Variants in CNTLN observed in about 807,000 individuals in gnomAD.
CNTLN encodes the protein centlein, centrosomal protein.
Under a neutral mutation model 180.0 loss-of-function variants are expected in CNTLN, and 212 were observed. The ratio of observed to expected loss-of-function variants is 1.18; its 90% CI spans 1.05 to 1.32. The LOEUF (loss-of-function observed/expected upper bound fraction) is 1.32, where lower values mean the gene tolerates loss of function less well. CNTLN is among the 40% of genes most tolerant of loss of function. CNTLN has a pLI of 0.00. For synonymous variants in CNTLN, 722 were observed against 563.1 expected (o/e 1.28, Z -3.99); for missense variants, 2,095 against 1,610.9 (o/e 1.30, Z -5.14).
intron 11 of CNTLN, among the ~76,000 whole-genome samples, 174 bp downstream of exon 11, chr9:17,341,122 G>A (rs1369675345): frequency 6.6e-6 from 1 of 152,106 alleles, no homozygotes; most frequent in African/African-American, 2.4e-5. Context: ...GAATGTGTTG[G>A]TAATAACTAT....
intron 5 of CNTLN, among the ~76,000 whole-genome samples, chr9:17,258,683 C>A (rs1248843937): frequency 6.8e-6 from 1 of 147,932 alleles, no homozygotes; most frequent in African/African-American, 2.6e-5. Flanking sequence ...TTGAAGAGGT[C>A]CTTCACATCC....
chr9:17,459,542 TAC>T (rs907068480), intron 19 of CNTLN, among the ~76,000 whole-genome samples: 1 of 151,848 alleles, frequency 6.6e-6, no homozygotes, highest in African/African-American at 2.4e-5. Flanking sequence ...TATTGTCTAC[TAC>T]TAAAAATTTT....
At chr9:17,355,471 T>A (rs1822759973) in intron 12 of CNTLN, among the ~76,000 whole-genome samples, 1 of 152,242 alleles carries the variant, frequency 6.6e-6, no homozygotes, top group South Asian at 2.1e-4. Flanking sequence ...TTGTTGTAGC[T>A]TATGCTTTTG....
intron 2 of CNTLN, among the ~76,000 whole-genome samples, chr9:17,207,896 G>T (rs890869560): frequency 1.3e-5 from 2 of 151,998 alleles, no homozygotes; most frequent in African/African-American, 4.8e-5. Flanking sequence ...AATATAAGAT[G>T]ATATTTTCTC....
At chr9:17,299,562 G>T (rs1280453153) in intron 7 of CNTLN, 3 of 985,324 alleles carry the variant, frequency 3.0e-6, no homozygotes, top group Non-Finnish European at 3.6e-6. Flanking sequence ...GGTTTTCAGT[G>T]TGTGTTTTGT....
chr9:17,458,654 G>A (rs1207890840), intron 19 of CNTLN, among the ~76,000 whole-genome samples: 1 of 151,840 alleles, frequency 6.6e-6, no homozygotes, highest in East Asian at 1.9e-4. Context: ...TTACTCATAG[G>A]ATAAATAGGC....
Position 17,359,733 on chromosome 9 carries a change from A to ACC in CNTLN, c.1887-6884_1887-6883insCC, listed in dbSNP as rs1564027271. ...CGTCTATACTAAAAATACAAAAAAA[A>ACC]AAAAAAAAAAAAAAAAACTAGCTGG... On this transcript the variant is annotated intron_variant, in intron 12 of 25. Coordinates refer to ENST00000380647, the MANE Select transcript of CNTLN (RefSeq NM_017738.4). Among the ~76,000 whole-genome samples, 88 of 109,786 alleles carry ACC rather than the reference A, an allele frequency of 8.0e-4. 1 individual carries two copies. Among genetic ancestry groups the ACC allele is most frequent in the African/African-American group, 2.7e-3 (82 of 30,582 alleles). The allele number at this position is 109,786 out of a possible 152,430, so 72.0% of individuals were successfully genotyped here. A position where few individuals can be genotyped will look rare whatever the true frequency, so the allele number is the denominator to read the frequency against.
At chr9:17,487,947 T>G (rs2383024) in intron 25 of CNTLN, among the ~76,000 whole-genome samples, 46,200 of 152,076 alleles carry the variant, frequency 0.3, 7,859 homozygotes, top group East Asian at 0.43. Flanking sequence ...TTCTTTCGGC[T>G]TAACCTAATT....
chr9:17,242,364 C>A (rs1409437488), intron 5 of CNTLN, among the ~76,000 whole-genome samples: 1 of 151,706 alleles, frequency 6.6e-6, no homozygotes, highest in Non-Finnish European at 1.5e-5. Context: ...GGCGGGAGTG[C>A]AGTGGCACGA....
chr9:17,137,275 C>A (rs1339788085), intron 1 of CNTLN, among the ~76,000 whole-genome samples: 1 of 152,086 alleles, frequency 6.6e-6, no homozygotes, highest in Non-Finnish European at 1.5e-5. Flanking sequence ...GTATCCCGCA[C>A]CATAAAAATC....
chr9:17,195,361 G>T (rs76481743), intron 2 of CNTLN, among the ~76,000 whole-genome samples: 1,891 of 152,214 alleles, frequency 0.012, 43 homozygotes, highest in African/African-American at 0.043. Context: ...AAGGTATTTG[G>T]TTAGTGGGTC....
intron 6 of CNTLN, among the ~76,000 whole-genome samples, 193 bp downstream of exon 6, chr9:17,274,059 G>C (rs984675799): frequency 6.6e-6 from 1 of 152,092 alleles, no homozygotes; most frequent in Non-Finnish European, 1.5e-5. Context: ...TGGGTCTACA[G>C]GATTGGACGA....
At chr9:17,496,379 A>G (rs369554499) in intron 25 of CNTLN, among the ~76,000 whole-genome samples, 2 of 152,250 alleles carry the variant, frequency 1.3e-5, no homozygotes. Flanking sequence ...TGTTTTGTAG[A>G]TCTTGGTCTT....
At chr9:17,242,315 T>G (rs549116025) in intron 5 of CNTLN, among the ~76,000 whole-genome samples, 1 of 151,566 alleles carries the variant, frequency 6.6e-6, no homozygotes, top group Non-Finnish European at 1.5e-5. Flanking sequence ...TTTTTTTTTT[T>G]CCTTTTGTCT....
At chr9:17,518,036 C>CTTTTTTTTTTTT in the CNTLN span, among the ~76,000 whole-genome samples, 15 of 69,234 alleles carry the variant, frequency 2.2e-4, no homozygotes, top group South Asian at 1.5e-3. Context: ...TTTTCTTTTC[C>CTTTTTTTTTTTT]TTTTTTTTTT....
At chr9:17,481,028 T>C (rs1044711526) in intron 23 of CNTLN, among the ~76,000 whole-genome samples, 1 of 152,120 alleles carries the variant, frequency 6.6e-6, no homozygotes, top group African/African-American at 2.4e-5. Context: ...CCTGCCCACC[T>C]TGAGACCTGG....
At chr9:17,200,244 T>G (rs1431348836) in intron 2 of CNTLN, among the ~76,000 whole-genome samples, 1 of 152,178 alleles carries the variant, frequency 6.6e-6, no homozygotes. Context: ...ACTGTAGCCT[T>G]GTAGTATAGT....
chr9:17,171,823 T>C (rs13296475), intron 2 of CNTLN, among the ~76,000 whole-genome samples: 1 of 152,034 alleles, frequency 6.6e-6, no homozygotes, highest in African/African-American at 2.4e-5. Flanking sequence ...ATGTGCAAAG[T>C]TATAGGTAGC....
At chr9:17,278,339 T>C (rs1315774731) in intron 6 of CNTLN, among the ~76,000 whole-genome samples, 2 of 152,186 alleles carry the variant, frequency 1.3e-5, no homozygotes, top group African/African-American at 4.8e-5. Context: ...ATATGAACTT[T>C]AGAGTAAACT....
Sources: allele counts gnomAD v4.1 joint callset (sites outside exome capture counted in the v4.1 genomes callset), GRCh38; gene constraint gnomAD v4.1.1; transcripts MANE v1.5; gene names NCBI Gene and HGNC (gene_info 2026-07-23, HGNC 2026-07-21).